Variants in GLIS1 observed in about 807,000 individuals in gnomAD.
The protein encoded by GLIS1 is zinc finger protein GLIS1.
GLIS1 carries 24 observed loss-of-function variants against 63.8 expected under a neutral mutation model. The ratio of observed to expected loss-of-function variants is 0.38; its 90% CI spans 0.27 to 0.53. The LOEUF (loss-of-function observed/expected upper bound fraction) is 0.53. Among genes scored for constraint, GLIS1 ranks in the 20% least tolerant of loss-of-function variants. The pLI is 0.85. For missense variants in GLIS1, 1,036 were observed against 1,074.1 expected, an observed-to-expected ratio of 0.96 and a Z score of 0.50; for synonymous variants, 450 against 482.5, an observed-to-expected ratio of 0.93 and a Z score of 0.88.
At chr1:53,554,907 C>T (rs901269892) in intron 4 of GLIS1, among the ~76,000 whole-genome samples, 6 of 152,174 alleles carry the variant, frequency 3.9e-5, no homozygotes, top group African/African-American at 1.4e-4. Flanking sequence ...AGGTGTGGAG[C>T]CATTCTCTGG....
At position 53,558,256 on chromosome 1, in the gene GLIS1, C is replaced by T. The variant is rs142627123; in HGVS notation, c.1321-28304G>A. Among the ~76,000 whole-genome samples, 6 of 152,358 alleles carry T rather than the reference C, an allele frequency of 3.9e-5. No homozygotes were observed. In the East Asian group the frequency reaches 1.2e-3, roughly 29 times the overall value. ...AGAGTAACTTAAGGACCTCTCCAGGCAGGCCAAGGGTCATGCTGAGAGTCA... is the reference window on the plus strand; with the variant it reads ...AGAGTAACTTAAGGACCTCTCCAGGTAGGCCAAGGGTCATGCTGAGAGTCA... On this transcript the variant is annotated intron_variant, in intron 4 of 10. Coordinates refer to ENST00000628545, the MANE Select transcript of GLIS1 (RefSeq NM_001367484.1).
Position 53,639,132 on chromosome 1 carries a change from C to T in GLIS1, c.260-38854G>A, listed in dbSNP as rs1459922221. 1.3e-5 allele frequency among the ~76,000 whole-genome samples: 2 copies of T among 152,156 alleles called. No homozygotes were observed. Among genetic ancestry groups the T allele is most frequent in the Non-Finnish European group, 1.5e-5 (1 of 68,018 alleles). On this transcript the variant is annotated intron_variant, in intron 2 of 10. Coordinates refer to ENST00000628545, the MANE Select transcript of GLIS1 (RefSeq NM_001367484.1). This position sits in a 1 kb window ranked among gnomAD's most constrained non-coding sequence, Gnocchi z 4.6. Reference sequence around the variant, plus strand: ...TATTCTGACTGAGCCTCAGTTTCCTCATCTGTAAAATGAGTCAATAATACC... The same window carrying T: ...TATTCTGACTGAGCCTCAGTTTCCTTATCTGTAAAATGAGTCAATAATACC...
At chr1:53,589,551 G>C (rs1342338541) in intron 4 of GLIS1, among the ~76,000 whole-genome samples, 1 of 152,190 alleles carries the variant, frequency 6.6e-6, no homozygotes, top group Non-Finnish European at 1.5e-5. Context: ...TGAGTTCCTT[G>C]GCTAGTTAAG....
chr1:53,556,840 ATGTG>A (rs751982257), intron 4 of GLIS1, among the ~76,000 whole-genome samples: 3 of 120,138 alleles, frequency 2.5e-5, no homozygotes, highest in Admixed American at 8.6e-5. Context: ...GTACTGCAGC[ATGTG>A]TGTGTGTGCA....
chr1:53,577,280 C>T (rs1271134571), intron 4 of GLIS1, among the ~76,000 whole-genome samples: 1 of 152,126 alleles, frequency 6.6e-6, no homozygotes, highest in Non-Finnish European at 1.5e-5. Context: ...TCACAGCTTC[C>T]TCCCCAAGCT....
intron 6 of GLIS1, among the ~76,000 whole-genome samples, chr1:53,524,348 C>T (rs1436056991): frequency 6.6e-6 from 1 of 152,264 alleles, no homozygotes; most frequent in African/African-American, 2.4e-5. Context: ...TTTCTCTGCA[C>T]ATCTCTCTCG....
chr1:53,592,831 C>T (rs1369808547), intron 4 of GLIS1, among the ~76,000 whole-genome samples: 8 of 152,280 alleles, frequency 5.3e-5, no homozygotes, highest in Non-Finnish European at 8.8e-5. Flanking sequence ...AACTCTTTCT[C>T]CTCCTTCAAG....
chr1:53,532,179 T>C (rs571035222), intron 4 of GLIS1, among the ~76,000 whole-genome samples: 39 of 152,224 alleles, frequency 2.6e-4, no homozygotes, highest in African/African-American at 9.1e-4. Context: ...GGCTCAGATA[T>C]GTGCCCTAGG....
rs1389748141 is a variant in GLIS1, at chr1:53,700,874, A to G, written c.259+36932T>C. Among the ~76,000 whole-genome samples, 3 of 152,224 alleles carry G rather than the reference A, an allele frequency of 2.0e-5. No individual in the cohort carries two copies. In the East Asian group the frequency reaches 5.8e-4, roughly 29 times the overall value. On this transcript the variant is annotated intron_variant, in intron 2 of 10. Transcript: ENST00000628545. ...TTTCATGTTAATGGATTCACATAAC[A>G]TACGACCTTTGTGTCTGGCTTCTTC...
At chr1:53,599,011 C>A (rs1351425136) in intron 3 of GLIS1, among the ~76,000 whole-genome samples, 1 of 152,196 alleles carries the variant, frequency 6.6e-6, no homozygotes, top group Non-Finnish European at 1.5e-5. Context: ...GAATAAACTG[C>A]AAACCGGCAA....
chr1:53,685,177 C>T (rs369853570), intron 2 of GLIS1, among the ~76,000 whole-genome samples: 198 of 152,276 alleles, frequency 1.3e-3, no homozygotes, highest in African/African-American at 4.7e-3. Context: ...CCTGGCTGAC[C>T]TCTGCCAATG....
At chr1:53,641,410 T>C (rs886627399) in intron 2 of GLIS1, among the ~76,000 whole-genome samples, 1 of 152,136 alleles carries the variant, frequency 6.6e-6, no homozygotes, top group Non-Finnish European at 1.5e-5. Flanking sequence ...GTGCCTGCCG[T>C]AGGAGCTCCA....
In GLIS1 at chr1:53,560,953, C is replaced by T. The variant is rs1644886056; in HGVS notation, c.1321-31001G>A. Among the ~76,000 whole-genome samples, 1 of 152,204 alleles carries T rather than the reference C, an allele frequency of 6.6e-6. No individual in the cohort carries two copies. ...AGCTCCAGAGAGGAGGCCGGGCCCA[C>T]ACTGGATGTCCGCTCCCTTCAGGAT... On this transcript the variant is annotated intron_variant, in intron 4 of 10. Coordinates refer to ENST00000628545, the MANE Select transcript of GLIS1 (RefSeq NM_001367484.1). The surrounding 1 kb of genome is among the most constrained non-coding windows in gnomAD (Gnocchi z 4.4).
chr1:53,728,681 C>G (rs1236986792), intron 2 of GLIS1, among the ~76,000 whole-genome samples: 2 of 152,080 alleles, frequency 1.3e-5, no homozygotes, highest in Non-Finnish European at 2.9e-5. Context: ...CCACTTGTTC[C>G]AAAAATGATT....
chr1:53,723,574 T>C (rs1646777896), intron 2 of GLIS1, among the ~76,000 whole-genome samples: 1 of 152,058 alleles, frequency 6.6e-6, no homozygotes, highest in Non-Finnish European at 1.5e-5. Context: ...TTCAGAATGA[T>C]CTCAATGATA....
chr1:53,699,215 C>A (rs1365469162), intron 2 of GLIS1, among the ~76,000 whole-genome samples: 1 of 152,052 alleles, frequency 6.6e-6, no homozygotes, highest in East Asian at 1.9e-4. Flanking sequence ...CAGGCACGCA[C>A]CAACACGTCC....
intron 2 of GLIS1, among the ~76,000 whole-genome samples, chr1:53,725,575 G>C (rs1646797644): frequency 6.6e-6 from 1 of 152,186 alleles, no homozygotes; most frequent in African/African-American, 2.4e-5. Context: ...CCTGAAGGGG[G>C]AACCTGCAAA....
intron 2 of GLIS1, among the ~76,000 whole-genome samples, chr1:53,655,204 C>T (rs1227855193): frequency 2.6e-5 from 4 of 152,178 alleles, no homozygotes; most frequent in Non-Finnish European, 4.4e-5. Context: ...TCTCACCTGA[C>T]ACCTTACTTA....
chr1:53,564,422 G>A (rs1455425648), intron 4 of GLIS1, among the ~76,000 whole-genome samples: 2 of 152,124 alleles, frequency 1.3e-5, no homozygotes, highest in East Asian at 3.9e-4. Context: ...AAGCAAAAAA[G>A]GAAGCATAGG....
Sources: allele counts gnomAD v4.1 joint callset (sites outside exome capture counted in the v4.1 genomes callset), GRCh38; gene constraint gnomAD v4.1.1; non-coding constraint Gnocchi (gnomAD v3.1); transcripts MANE v1.5; gene names NCBI Gene and HGNC (gene_info 2026-07-23, HGNC 2026-07-21).